Variants in ZNF320 observed in about 807,000 individuals in gnomAD.
ZNF320 encodes zinc finger protein 320.
A neutral mutation model predicts 6.8 loss-of-function variants in ZNF320; 2 were observed. The ratio of observed to expected loss-of-function variants is 0.29; its 90% CI spans 0.12 to 0.93. ZNF320 has a LOEUF of 0.93. Among genes scored for constraint, ZNF320 ranks in the 40% least tolerant of loss-of-function variants. The pLI is 0.55. For synonymous variants in ZNF320, 208 were observed against 203.2 expected (o/e 1.02, Z -0.20); for missense variants, 472 against 611.0 (o/e 0.77, Z 2.40).
downstream of ZNF320, among the ~76,000 whole-genome samples, chr19:52,875,592 G>A (rs1179678181): frequency 6.6e-6 from 1 of 152,060 alleles, no homozygotes; most frequent in African/African-American, 2.4e-5. Flanking sequence ...AAGTATTTCA[G>A]GGCTCAGTGA....
intron 5 of ZNF320, chr19:52,865,507 T>A (rs1156319494): frequency 1.4e-5 from 2 of 138,126 alleles, no homozygotes; most frequent in East Asian, 3.9e-4. Context: ...TATACATATA[T>A]ATTTATATAT....
chr19:52,897,162 G>A (rs1038293061), intron 1 of ZNF320, among the ~76,000 whole-genome samples: 1 of 152,234 alleles, frequency 6.6e-6, no homozygotes, highest in African/African-American at 2.4e-5. Flanking sequence ...CGTTTTCCAG[G>A]AGTTGGAACT....
At position 52,881,375 on chromosome 19, in the gene ZNF320, CACACTCATT is replaced by C. The variant is rs937174668; in HGVS notation, c.742_750del (p.Asn248_Cys250del). 50 of 1,613,884 alleles carry C rather than the reference CACACTCATT, an allele frequency of 3.1e-5. No homozygotes were observed. Among genetic ancestry groups the C allele is most frequent in the Non-Finnish European group, 4.0e-5 (47 of 1,180,016 alleles). ...TGTGATGTCTGACTAAAGGTCTTGC[CACACTCATT>C]ACACTTATAAGGTTTCTCTCCAGTA... On this transcript the variant is annotated inframe_deletion, in exon 6 of 6. Coordinates refer to ENST00000682928, the MANE Select transcript of ZNF320 (RefSeq NM_001351774.2).
chr19:52,874,287 A>G, downstream of ZNF320: 1 of 178,192 alleles, frequency 5.6e-6, no homozygotes, highest in Non-Finnish European at 1.2e-5. Context: ...GGAAAAGTCC[A>G]CACACACGCT....
At chr19:52,873,726 C>T (rs886800780), downstream of ZNF320, among the ~76,000 whole-genome samples, 1 of 152,152 alleles carries the variant, frequency 6.6e-6, no homozygotes, top group Admixed American at 6.5e-5. Flanking sequence ...TCACTGACAC[C>T]ATGGGGCCCA....
intron 5 of ZNF320, among the ~76,000 whole-genome samples, chr19:52,882,815 G>A (rs2063963693): frequency 6.6e-6 from 1 of 152,022 alleles, no homozygotes; most frequent in African/African-American, 2.4e-5. Flanking sequence ...GTCATGGGCA[G>A]CTGTAATCCC....
intron 2 of ZNF320, among the ~76,000 whole-genome samples, chr19:52,893,117 T>C (rs2147887442): frequency 6.6e-6 from 1 of 152,120 alleles, no homozygotes; most frequent in East Asian, 1.9e-4. Context: ...TTTACTGCTC[T>C]CTCTCTGTCT....
downstream of ZNF320, among the ~76,000 whole-genome samples, chr19:52,859,941 A>C (rs1049357359): frequency 1.2e-4 from 17 of 137,280 alleles, no homozygotes; most frequent in African/African-American, 4.4e-4. Context: ...GAGACGGTGT[A>C]TCGCTCTGTC....
rs745470374 is a variant in ZNF320, at chr19:52,881,691, A to G, written c.435T>C (p.His145=). Residue 145 remains histidine, a synonymous_variant, in exon 6 of 6, where the codon CAT becomes CAC. Transcript: ENST00000682928. ...TTCTCCTATGTCTTCGCAAATGCAA[A>G]TGAAATCTTGATTCAAGCTGACCTT... ...PIKGQLESRF[H]LHLRRHRRIH... 1 of 1,614,004 alleles carries G rather than the reference A, an allele frequency of 6.2e-7. No homozygotes were observed. The highest frequency in any genetic ancestry group is 1.1e-5 in the South Asian group (1 of 91,076).
At chr19:52,897,777 G>C (rs377177022), upstream of ZNF320, 1 of 152,422 alleles carries the variant, frequency 6.6e-6, no homozygotes, top group African/African-American at 2.4e-5. Flanking sequence ...GGGATGAGAC[G>C]CGAAGAGGTG....
At chr19:52,891,590 A>G (rs1348912841) in intron 2 of ZNF320, among the ~76,000 whole-genome samples, 1 of 152,118 alleles carries the variant, frequency 6.6e-6, no homozygotes, top group African/African-American at 2.4e-5. Flanking sequence ...GGAAAGAGAT[A>G]AGCAAATGTG....
chr19:52,887,000 A>G (rs1371658860), intron 5 of ZNF320, among the ~76,000 whole-genome samples: 1 of 87,434 alleles, frequency 1.1e-5, no homozygotes, highest in African/African-American at 3.9e-5. Flanking sequence ...GAAGGAAGGA[A>G]GGAAGGAAAA....
At chr19:52,862,773 A>C in exon 6 of ZNF320, 2 of 376,482 alleles carry the variant, frequency 5.3e-6, no homozygotes, top group South Asian at 4.7e-5. Context: ...TCCAGTGTGA[A>C]TTCTCCTATG....
intron 5 of ZNF320, among the ~76,000 whole-genome samples, chr19:52,868,860 C>T (rs1452805376): frequency 6.6e-6 from 1 of 152,122 alleles, no homozygotes; most frequent in Admixed American, 6.6e-5. Flanking sequence ...ATGCCCTGCA[C>T]ACACTGATTT....
At chr19:52,866,073 TATG>T (rs1186929150) in intron 5 of ZNF320, among the ~76,000 whole-genome samples, 1 of 110,896 alleles carries the variant, frequency 9.0e-6, no homozygotes. Flanking sequence ...TATTTATATA[TATG>T]ATTATACATA....
At chr19:52,886,467 A>G (rs1024212991) in intron 5 of ZNF320, among the ~76,000 whole-genome samples, 5 of 152,178 alleles carry the variant, frequency 3.3e-5, no homozygotes, top group African/African-American at 9.6e-5. Context: ...TTATTGTGCT[A>G]TAAGTTTAAG....
intron 5 of ZNF320, among the ~76,000 whole-genome samples, chr19:52,864,467 T>C (rs1039914967): frequency 1.3e-5 from 2 of 152,118 alleles, no homozygotes; most frequent in African/African-American, 4.8e-5. Context: ...AAAATACAAG[T>C]GCAGTCTCAG....
downstream of ZNF320, among the ~76,000 whole-genome samples, chr19:52,875,845 A>G (rs893181185): frequency 6.6e-6 from 1 of 152,200 alleles, no homozygotes; most frequent in Non-Finnish European, 1.5e-5. Flanking sequence ...TGTCTCTTTC[A>G]ATGTCTAAGG....
rs1443719330 is a variant in ZNF320, at chr19:52,881,994, T to C, written c.143-11A>G. 3.1e-6 allele frequency: 5 copies of C among 1,600,960 alleles called. No individual in the cohort carries two copies. The highest frequency in any genetic ancestry group is 1.7e-4 in the Middle Eastern group (1 of 5,980). Reference sequence around the variant, plus strand: ...ATTTGGAAGAGATATCTACAAAATATAAACACCAATAGGTTTCCAATTAAG... The same window carrying C: ...ATTTGGAAGAGATATCTACAAAATACAAACACCAATAGGTTTCCAATTAAG... On this transcript the variant is annotated splice_polypyrimidine_tract_variant and intron_variant, in intron 5 of 5. Coordinates refer to ENST00000682928, the MANE Select transcript of ZNF320 (RefSeq NM_001351774.2).
Sources: allele counts gnomAD v4.1 joint callset (sites outside exome capture counted in the v4.1 genomes callset), GRCh38; gene constraint gnomAD v4.1.1; transcripts MANE v1.5; gene names NCBI Gene and HGNC (gene_info 2026-07-23, HGNC 2026-07-21).